Variants in PASK observed in about 807,000 individuals in gnomAD.
PASK encodes PAS domain containing serine/threonine kinase.
In PASK, 110 loss-of-function variants were observed where a neutral mutation model predicts 121.0. The observed-to-expected ratio is 0.91, with a 90% CI of 0.78 to 1.06. PASK has a LOEUF of 1.06. Among genes scored for constraint, PASK ranks in the 50% least tolerant of loss-of-function variants. The pLI, the probability that PASK is intolerant of heterozygous loss-of-function variation, is 0.00. For synonymous variants in PASK, 686 were observed against 717.8 expected, an observed-to-expected ratio of 0.96 and a Z score of 0.71; for missense variants, 1,643 against 1,702.3, an observed-to-expected ratio of 0.97 and a Z score of 0.61.
chr2:241,118,281 C>T (rs2065458898), intron 12 of PASK, among the ~76,000 whole-genome samples: 1 of 150,626 alleles, frequency 6.6e-6, no homozygotes, highest in Non-Finnish European at 1.5e-5. Context: ...TACTACAGAG[C>T]TACAGTAATC....
At chr2:241,149,587 T>C, upstream of PASK, 4 of 1,468,176 alleles carry the variant, frequency 2.7e-6, no homozygotes, top group South Asian at 1.2e-5. Flanking sequence ...AAGCCCGCGC[T>C]AAGGGTTGCT....
chr2:241,122,771 G>A lies in PASK; in HGVS notation c.3033C>T (p.Gly1011=). The A allele has an allele frequency of 6.2e-7, 1 of 1,614,172 alleles. No homozygotes were observed. Residue 1011 remains glycine, a synonymous_variant, in exon 12 of 18, where the codon GGC becomes GGT. Coordinates refer to ENST00000234040, the MANE Select transcript of PASK (RefSeq NM_015148.4). ...CCTTGTCCACAGCAGTCCACACGAA[G>A]CCGAAGGCCCCACTGCCCAGCGGGC... ...TMSPLGSGAF[G]FVWTAVDKEK... is the part of the protein sequence containing the mutation.
chr2:241,148,998 G>A (rs2067127647), intron 1 of PASK, among the ~76,000 whole-genome samples: 1 of 152,090 alleles, frequency 6.6e-6, no homozygotes, highest in African/African-American at 2.4e-5. Context: ...CGCCGGCTGA[G>A]CCCGCAGGGA....
intron 1 of PASK, among the ~76,000 whole-genome samples, chr2:241,147,250 C>G (rs7559927): frequency 0.016 from 2,433 of 152,246 alleles, 84 homozygotes; most frequent in East Asian, 0.11. Context: ...TAAAACCTTA[C>G]TTTCTTAAAA....
rs903209709 is a variant in PASK at position 241,108,583 on chromosome 2, G to A, written c.3534-283C>T. 32 of 488,180 alleles carry A rather than the reference G, an allele frequency of 6.6e-5. No homozygotes were observed. Among genetic ancestry groups the A allele is most frequent in the Non-Finnish European group, 1.1e-4 (28 of 265,488 alleles). The allele number at this position is 488,180 out of a possible 1,614,324, so 30.2% of individuals were successfully genotyped here. ...CAACCACAAGACGTGTCTACCAGAGGGGGGAGCGGGGGGAGGGCTTCCTGG... is the reference window on the plus strand; with the variant it reads ...CAACCACAAGACGTGTCTACCAGAGAGGGGAGCGGGGGGAGGGCTTCCTGG... On this transcript the variant is annotated intron_variant, in intron 15 of 17. Transcript: ENST00000234040. The surrounding 1 kb of genome is among the most constrained non-coding windows in gnomAD (Gnocchi z 5.2).
At chr2:241,135,105 G>A (rs534642039) in intron 8 of PASK, among the ~76,000 whole-genome samples, 1 of 152,302 alleles carries the variant, frequency 6.6e-6, no homozygotes, top group Admixed American at 6.5e-5. Flanking sequence ...TGGGTCCCTC[G>A]GGACAGGAGG....
chr2:241,144,083 T>G (rs1044058529), intron 1 of PASK, among the ~76,000 whole-genome samples: 6 of 151,756 alleles, frequency 4.0e-5, no homozygotes, highest in Admixed American at 2.6e-4. Context: ...TACCTGCAGG[T>G]GTGTGTGTGT....
rs181495752 is a variant in PASK at position 241,107,582 on chromosome 2, C to T, written c.3668-83G>A. The T allele has an allele frequency of 5.8e-4, 776 of 1,343,554 alleles. 5 individuals are homozygous for T. Among genetic ancestry groups the T allele is most frequent in the Non-Finnish European group, 3.7e-5 (35 of 938,066 alleles). 83.2% of individuals were successfully genotyped at this position (1,343,554 alleles called of 1,614,324 possible). On this transcript the variant is annotated intron_variant, in intron 16 of 17. Coordinates refer to ENST00000234040, the MANE Select transcript of PASK (RefSeq NM_015148.4). ...TCAGATTCCTGGGTGCTCACCACCCCCCCGCAGAGCCTCTGACTGGGCAGG... is the reference window on the plus strand; with the variant it reads ...TCAGATTCCTGGGTGCTCACCACCCTCCCGCAGAGCCTCTGACTGGGCAGG...
intron 3 of PASK, among the ~76,000 whole-genome samples, chr2:241,140,272 C>T (rs1310407724): frequency 6.6e-6 from 1 of 152,142 alleles, no homozygotes; most frequent in Admixed American, 6.5e-5. Context: ...TCAAGTGATC[C>T]TCCTGCCTCA....
intron 16 of PASK, 34 bp from the exon 17 acceptor site, chr2:241,107,533 G>A (rs1403565918): frequency 6.2e-7 from 1 of 1,608,516 alleles, no homozygotes. Context: ...GGTAGGTCCA[G>A]ATTGGGATGA....
chr2:241,106,807 G>A (rs1337557979), intron 17 of PASK, 84 bp from the exon 18 acceptor site: 1 of 1,388,248 alleles, frequency 7.2e-7, no homozygotes, highest in African/African-American at 1.4e-5. Context: ...AGAAGTCCTA[G>A]AACAAAAGCC....
At chr2:241,130,527 G>A (rs868791390) in intron 9 of PASK, among the ~76,000 whole-genome samples, 13 of 152,122 alleles carry the variant, frequency 8.5e-5, no homozygotes, top group Middle Eastern at 3.2e-3. Flanking sequence ...GGTCAGACTT[G>A]GGCCCTCAAC....
Position 241,106,726 on chromosome 2 carries a change from GAAGA to G in PASK, c.3815-7_3815-4del, listed in dbSNP as rs2064898239. On this transcript the variant is annotated splice_polypyrimidine_tract_variant and splice_region_variant and intron_variant, in intron 17 of 17. Transcript: ENST00000234040. ...CGCAGCGGACAGAACTCCACTTTCT[GAAGA>G]AACAAGAAGGTAACTGTATCACGTG... 1 of 1,613,812 alleles carries G rather than the reference GAAGA, an allele frequency of 6.2e-7. No homozygotes were observed. Among genetic ancestry groups the G allele is most frequent in the Non-Finnish European group, 8.5e-7 (1 of 1,179,714 alleles).
chr2:241,130,183 T>C (rs2066060586), intron 9 of PASK, among the ~76,000 whole-genome samples: 1 of 152,246 alleles, frequency 6.6e-6, no homozygotes, highest in Non-Finnish European at 1.5e-5. Flanking sequence ...CCAAGTCTTC[T>C]GTAATGCTTA....
chr2:241,117,226 G>T (rs1368129182), intron 12 of PASK, among the ~76,000 whole-genome samples: 1 of 152,228 alleles, frequency 6.6e-6, no homozygotes, highest in Non-Finnish European at 1.5e-5. Flanking sequence ...CAGCCTGTGA[G>T]AGGTGAAAGG....
chr2:241,116,531 A>T (rs570605434), intron 12 of PASK, among the ~76,000 whole-genome samples: 1 of 152,370 alleles, frequency 6.6e-6, no homozygotes, highest in Admixed American at 6.5e-5. Flanking sequence ...GAATAAACGA[A>T]GAAGCCAGAA....
At position 241,115,327 on chromosome 2, in the gene PASK, G is replaced by A. The variant is rs149104048; in HGVS notation, c.3159C>T (p.Ile1053=). ...CGTGCTCCACCCTGGATAGAATTGCGATCTCTAAAGTAACTTTCCCAAGTT... is the reference window on the plus strand; with the variant it reads ...CGTGCTCCACCCTGGATAGAATTGCAATCTCTAAAGTAACTTTCCCAAGTT... ...DPKLGKVTLE[I]AILSRVEHAN... Residue 1053 remains isoleucine, a synonymous_variant, in exon 13 of 18, where the codon ATC becomes ATT. Transcript: ENST00000234040. The A allele has an allele frequency of 2.9e-4, 468 of 1,613,854 alleles. 1 individual carries two copies. In the South Asian group the frequency reaches 4.3e-3, roughly 15 times the overall value.
Position 241,124,003 on chromosome 2 carries a change from C to A in PASK, c.2850G>T (p.Leu950=). The A allele has an allele frequency of 1.2e-6, 2 of 1,613,962 alleles. No individual in the cohort carries two copies. Among genetic ancestry groups the A allele is most frequent in the Non-Finnish European group, 1.7e-6 (2 of 1,180,016 alleles). The stretch of plus-strand genomic sequence containing the variant: ...CAGCGGTAGAGTGGGTGGAGCCGGG[C>A]AGGCTGGCAAGGAACAGGCGGGTCC... ...AARTRLFLAS[L]PGSTHSTAAE... is the part of the protein sequence containing the mutation. The change falls in exon 11 of 18, where the codon CTG becomes CTT. Residue 950 remains leucine, a synonymous_variant. Transcript: ENST00000234040.
intron 14 of PASK, chr2:241,113,843 CTG>C (rs1264506711): frequency 2.0e-6 from 2 of 985,358 alleles, no homozygotes; most frequent in African/African-American, 3.5e-5. Flanking sequence ...CCTGATGAAT[CTG>C]GAGCTGACAG....
Sources: allele counts gnomAD v4.1 joint callset (sites outside exome capture counted in the v4.1 genomes callset), GRCh38; gene constraint gnomAD v4.1.1; non-coding constraint Gnocchi (gnomAD v3.1); transcripts MANE v1.5; gene names NCBI Gene and HGNC (gene_info 2026-07-23, HGNC 2026-07-21).